Variants in EFCAB5 observed in about 807,000 individuals in gnomAD.
EFCAB5 encodes EF-hand calcium-binding domain-containing protein 5.
EFCAB5 carries 131 observed loss-of-function variants against 167.9 expected under a neutral mutation model. That is an observed-to-expected ratio of 0.78 (90% CI 0.68 to 0.90). EFCAB5 has a LOEUF of 0.90. Among genes scored for constraint, EFCAB5 ranks in the 40% least tolerant of loss-of-function variants. EFCAB5 has a pLI of 0.00. For missense variants in EFCAB5, 1,663 were observed against 1,745.2 expected, an observed-to-expected ratio of 0.95 and a Z score of 0.84; for synonymous variants, 574 against 602.8, an observed-to-expected ratio of 0.95 and a Z score of 0.70.
chr17:29,969,638 A>G (rs970324253), intron 4 of EFCAB5, among the ~76,000 whole-genome samples: 4 of 152,156 alleles, frequency 2.6e-5, no homozygotes, highest in Non-Finnish European at 4.4e-5. Flanking sequence ...CCTGCACTGG[A>G]AAGTAAGCTA....
At chr17:30,087,280 CTTTT>C in intron 19 of EFCAB5, 114 bp downstream of exon 19, 1 of 739,796 alleles carries the variant, frequency 1.4e-6, no homozygotes, top group Non-Finnish European at 2.1e-6. Context: ...TTTATTCTTT[CTTTT>C]TAATTTAATT....
At chr17:29,960,224 C>T (rs994256409) in intron 3 of EFCAB5, among the ~76,000 whole-genome samples, 26 of 152,286 alleles carry the variant, frequency 1.7e-4, no homozygotes, top group Admixed American at 1.1e-3. Context: ...GGGTGGTATA[C>T]GCATTTCAAG....
At chr17:30,105,937 C>T (rs1277032784) in intron 22 of EFCAB5, among the ~76,000 whole-genome samples, 1 of 152,054 alleles carries the variant, frequency 6.6e-6, no homozygotes, top group African/African-American at 2.4e-5. Flanking sequence ...CATTCCTATC[C>T]CATATTATAC....
chr17:30,021,286 C>A (rs570861802), intron 7 of EFCAB5, among the ~76,000 whole-genome samples: 1 of 148,606 alleles, frequency 6.7e-6, no homozygotes, highest in African/African-American at 2.5e-5. Flanking sequence ...TCACCTTTAC[C>A]CCATTTTCTC....
Position 29,936,275 on chromosome 17 carries a change from G to A in EFCAB5, c.-126-5965G>A, listed in dbSNP as rs952552904. On this transcript the variant is annotated intron_variant, in intron 1 of 3. Coordinates refer to the EFCAB5 transcript ENST00000448319. Reference sequence around the variant, plus strand: ...GAACAATGAGAACACTTGGACACAGGAAGGGGAATATCACACACTGGGGCC... The same window carrying A: ...GAACAATGAGAACACTTGGACACAGAAAGGGGAATATCACACACTGGGGCC... 1.3e-5 allele frequency among the ~76,000 whole-genome samples: 2 copies of A among 152,094 alleles called. 1 individual carries two copies. Among genetic ancestry groups the A allele is most frequent in the South Asian group, 4.1e-4 (2 of 4,832 alleles).
chr17:30,010,398 G>A (rs1364963476), intron 7 of EFCAB5, among the ~76,000 whole-genome samples: 3 of 152,248 alleles, frequency 2.0e-5, no homozygotes, highest in Non-Finnish European at 4.4e-5. Flanking sequence ...TTCCACAATG[G>A]TTGAACTAGT....
At chr17:29,990,799 C>T (rs2068398508) in intron 4 of EFCAB5, among the ~76,000 whole-genome samples, 1 of 152,138 alleles carries the variant, frequency 6.6e-6, no homozygotes, top group Non-Finnish European at 1.5e-5. Context: ...TTGCTGAATT[C>T]CTGCCTGAAT....
chr17:30,018,005 A>C (rs1306655207), intron 7 of EFCAB5, among the ~76,000 whole-genome samples: 2 of 152,190 alleles, frequency 1.3e-5, no homozygotes, highest in African/African-American at 4.8e-5. Context: ...TTTAAAGAAG[A>C]TCACATGGGT....
intron 4 of EFCAB5, among the ~76,000 whole-genome samples, chr17:29,977,985 A>G (rs1194401858): frequency 2.0e-5 from 3 of 152,120 alleles, no homozygotes; most frequent in African/African-American, 7.2e-5. Context: ...TTTTTTTAAA[A>G]AAAGCTTCAA....
intron 4 of EFCAB5, among the ~76,000 whole-genome samples, chr17:29,982,220 T>G (rs1354790430): frequency 1.3e-5 from 2 of 152,022 alleles, no homozygotes; most frequent in African/African-American, 4.8e-5. Context: ...GATCACAAGG[T>G]CAGGAGATCG....
intron 7 of EFCAB5, among the ~76,000 whole-genome samples, chr17:30,005,804 A>G (rs145336207): frequency 3.7e-4 from 57 of 152,344 alleles, no homozygotes; most frequent in African/African-American, 1.3e-3. Flanking sequence ...ATACTAAGTT[A>G]CAAACAAGAC....
rs570822756 is a variant in EFCAB5 at position 29,981,735 on chromosome 17, A to G, written c.768-11430A>G. ...TTTTTGCTTTTTGGTTTTTAGATACATAAGATTATTATGAGATATGTCTTA... is the reference window on the plus strand; with the variant it reads ...TTTTTGCTTTTTGGTTTTTAGATACGTAAGATTATTATGAGATATGTCTTA... On this transcript the variant is annotated intron_variant, in intron 4 of 22. Coordinates refer to ENST00000394835, the MANE Select transcript of EFCAB5 (RefSeq NM_198529.4). 3.9e-5 allele frequency among the ~76,000 whole-genome samples: 6 copies of G among 152,314 alleles called. No homozygotes were observed. In the East Asian group the frequency reaches 9.6e-4, roughly 24 times the overall value.
At chr17:30,069,655 C>T in intron 14 of EFCAB5, 2 of 1,555,670 alleles carry the variant, frequency 1.3e-6, no homozygotes, top group East Asian at 2.3e-5. Context: ...GGGGGCCCAG[C>T]ACGAGAGTCT....
At position 30,051,207 on chromosome 17, in the gene EFCAB5, C is replaced by T. The variant is rs748749727; in HGVS notation, c.1290C>T (p.Asn430=). ...SSQMLRSLLR[N]PRQWPFIEFE... is the part of the protein sequence containing the mutation. ...AAATGCTTAGGAGTTTACTTCGAAA[C>T]CCACGACAATGTAAGTGCCGCTCAG... Residue 430 remains asparagine (N), a synonymous_variant, in exon 9 of 23, where the codon AAC becomes AAT. Transcript: ENST00000394835. 6.2e-7 allele frequency: 1 copy of T among 1,613,940 alleles called. No homozygotes were observed.
At chr17:29,929,968 G>C in intron 1 of EFCAB5, 2 of 1,604,224 alleles carry the variant, frequency 1.2e-6, no homozygotes, top group African/African-American at 1.3e-5. Flanking sequence ...TGGTGCTGGG[G>C]GTAGGTGACC....
intron 9 of EFCAB5, 34 bp from the exon 10 acceptor site, chr17:30,053,221 A>G (rs1717486852): frequency 6.5e-7 from 1 of 1,547,202 alleles, no homozygotes; most frequent in Non-Finnish European, 8.7e-7. Context: ...TATAAGATCA[A>G]TGGTTTAAGT....
rs1597776818 is a variant in EFCAB5 at position 30,077,686 on chromosome 17, T to C, written c.2738-529T>C. On this transcript the variant is annotated intron_variant, in intron 14 of 22. Transcript: ENST00000394835. ...TGCAGTAGATAATTCCTATATGGCC[T>C]TACGGGCAGATGTGATTAGAAATAG... Among the ~76,000 whole-genome samples the C allele has an allele frequency of 2.6e-5, 4 of 152,340 alleles. No individual in the cohort carries two copies. In the South Asian group the frequency reaches 8.3e-4, roughly 32 times the overall value.
At chr17:30,088,392 TA>T (rs2071130453) in intron 19 of EFCAB5, among the ~76,000 whole-genome samples, 1 of 152,222 alleles carries the variant, frequency 6.6e-6, no homozygotes, top group African/African-American at 2.4e-5. Flanking sequence ...TTGCATGTTT[TA>T]AAGCATGAAA....
intron 8 of EFCAB5, among the ~76,000 whole-genome samples, 193 bp downstream of exon 8, chr17:30,034,578 CT>C (rs987162602): frequency 2.6e-5 from 4 of 151,968 alleles, no homozygotes; most frequent in African/African-American, 9.7e-5. Flanking sequence ...GTTTATGAAC[CT>C]TATATTTATT....
Sources: allele counts gnomAD v4.1 joint callset (sites outside exome capture counted in the v4.1 genomes callset), GRCh38; gene constraint gnomAD v4.1.1; transcripts MANE v1.5; gene names NCBI Gene and HGNC (gene_info 2026-07-23, HGNC 2026-07-21).